Variants in INPP5B observed in about 807,000 individuals in gnomAD.
INPP5B encodes type II inositol 1,4,5-trisphosphate 5-phosphatase.
Under a neutral mutation model 118.5 loss-of-function variants are expected in INPP5B, and 90 were observed. That is an observed-to-expected ratio of 0.76 (90% CI 0.64 to 0.90). The LOEUF is 0.90. Among genes scored for constraint, INPP5B ranks in the 40% least tolerant of loss-of-function variants. The probability of loss-of-function intolerance (pLI) is 0.00; values close to 1 mark genes in which losing one functional copy is unlikely to be tolerated. For missense variants in INPP5B, 984 were observed against 1,125.6 expected, an observed-to-expected ratio of 0.87 and a Z score of 1.80; for synonymous variants, 385 against 418.9, an observed-to-expected ratio of 0.92 and a Z score of 0.99.
Position 37,886,980 on chromosome 1 carries a change from T to A in INPP5B, c.1039A>T (p.Ile347Phe). Residue 347 changes from isoleucine (I) to phenylalanine (F), a missense_variant, in exon 12 of 24, where the codon ATT becomes TTT. Around this residue, in one of 2 missense-constraint regions of INPP5B, gnomAD observed 634 missense variants for 791.0 expected, o/e 0.80. Transcript: ENST00000373024. The part of the protein sequence containing the change: ...AKVKLIRLVG[I>F]MLLLYVKQEH... ...TGTTTGACATATAACAGCAGCATAATCCCAACCAGTCGGATAAGCTTCACC... is the reference window on the plus strand; with the variant it reads ...TGTTTGACATATAACAGCAGCATAAACCCAACCAGTCGGATAAGCTTCACC... 6.2e-7 allele frequency: 1 copy of A among 1,614,078 alleles called. No homozygotes were observed. The highest frequency in any genetic ancestry group is 8.5e-7 in the Non-Finnish European group (1 of 1,179,988).
chr1:37,866,709 G>C (rs1642071953), intron 20 of INPP5B, among the ~76,000 whole-genome samples, 166 bp from the exon 21 acceptor site: 1 of 152,120 alleles, frequency 6.6e-6, no homozygotes, highest in Non-Finnish European at 1.5e-5. Flanking sequence ...AATTCATCTT[G>C]CAGGCCTTCC....
At chr1:37,863,006 C>A (rs542647691) in intron 23 of INPP5B, among the ~76,000 whole-genome samples, 1 of 152,184 alleles carries the variant, frequency 6.6e-6, no homozygotes, top group Non-Finnish European at 1.5e-5. Context: ...GCCTCCTCCC[C>A]CAACCACCCC....
At chr1:37,925,559 A>T (rs1645197281) in intron 7 of INPP5B, among the ~76,000 whole-genome samples, 1 of 152,190 alleles carries the variant, frequency 6.6e-6, no homozygotes, top group Non-Finnish European at 1.5e-5. Context: ...TTAAGTAGCA[A>T]AGAAAAACAT....
chr1:37,926,099 C>T lies in INPP5B; in HGVS notation c.532+5814G>A, dbSNP rs116836637. Among the ~76,000 whole-genome samples, 434 of 152,234 alleles carry T rather than the reference C, an allele frequency of 2.9e-3. 2 individuals are homozygous for T. The highest frequency in any genetic ancestry group is 1.0e-2 in the African/African-American group (414 of 41,550). On this transcript the variant is annotated intron_variant, in intron 7 of 23. Coordinates refer to ENST00000373024, the MANE Select transcript of INPP5B (RefSeq NM_005540.3). ...GAGAGAGTGAGAGAGAAAACCACCC[C>T]GGGGGCTATTTTGCTAACATGCTCT...
At chr1:37,862,593 C>G (rs1253676574) in intron 23 of INPP5B, among the ~76,000 whole-genome samples, 163 bp from the exon 24 acceptor site, 1 of 152,188 alleles carries the variant, frequency 6.6e-6, no homozygotes, top group Non-Finnish European at 1.5e-5. Context: ...CCTGTACTTA[C>G]ACAATTCTAG....
At chr1:37,902,538 GGTAAAACCC>G (rs980211831) in intron 7 of INPP5B, among the ~76,000 whole-genome samples, 1 of 151,988 alleles carries the variant, frequency 6.6e-6, no homozygotes, top group Admixed American at 6.6e-5. Context: ...AAGACAACAT[GGTAAAACCC>G]TATTTCTACA....
intron 23 of INPP5B, among the ~76,000 whole-genome samples, chr1:37,863,450 G>C (rs960537289): frequency 4.6e-5 from 7 of 152,128 alleles, no homozygotes; most frequent in Non-Finnish European, 1.0e-4. Context: ...GGGTGGCGGA[G>C]GATGCAGTGA....
chr1:37,893,085 CTTTTTTT>C (rs71053999), intron 7 of INPP5B, among the ~76,000 whole-genome samples: 104 of 81,432 alleles, frequency 1.3e-3, no homozygotes, highest in African/African-American at 5.4e-3. Context: ...TTTTCTTTTT[CTTTTTTT>C]TTTTTTTTTT....
At chr1:37,916,629 T>C (rs936159878) in intron 7 of INPP5B, among the ~76,000 whole-genome samples, 9 of 152,216 alleles carry the variant, frequency 5.9e-5, no homozygotes, top group Middle Eastern at 3.4e-3. Flanking sequence ...TTGGTCAGGC[T>C]GGTCTCGAAC....
intron 16 of INPP5B, 117 bp downstream of exon 16, chr1:37,878,071 A>T (rs1433094362): frequency 8.3e-7 from 1 of 1,210,832 alleles, no homozygotes; most frequent in Non-Finnish European, 1.2e-6. Flanking sequence ...AATTGTCCTA[A>T]AAGGGGCTTC....
rs1318876665 is a variant in INPP5B, at chr1:37,861,016, AG to A, written c.*1298del. 2 of 152,168 alleles carry A rather than the reference AG, an allele frequency of 1.3e-5. No individual in the cohort carries two copies. Among genetic ancestry groups the A allele is most frequent in the African/African-American group, 4.8e-5 (2 of 41,428 alleles). The allele number at this position is 152,168 out of a possible 1,614,324, so 9.4% of individuals were successfully genotyped here. On this transcript the variant is annotated 3_prime_UTR_variant, in exon 24 of 24. Transcript: ENST00000373024. ...ATTTTTTAAAAATGTTTTTGTAGAG[AG>A]GGGGTCTCCCTGTGTTGCCCAGCCT... is the stretch of plus-strand genomic sequence containing the variant.
intron 7 of INPP5B, among the ~76,000 whole-genome samples, chr1:37,927,553 T>C (rs1557708504): frequency 6.6e-6 from 1 of 151,602 alleles, no homozygotes; most frequent in Non-Finnish European, 1.5e-5. Flanking sequence ...TTTTTTTTTT[T>C]TGAGACAGAG....
intron 7 of INPP5B, among the ~76,000 whole-genome samples, chr1:37,905,730 G>A (rs1263591382): frequency 6.6e-6 from 1 of 152,152 alleles, no homozygotes; most frequent in African/African-American, 2.4e-5. Context: ...TTAGAATTGA[G>A]GAAAAACTTT....
chr1:37,898,453 TG>T (rs1267696736), intron 7 of INPP5B, among the ~76,000 whole-genome samples: 1 of 152,150 alleles, frequency 6.6e-6, no homozygotes, highest in African/African-American at 2.4e-5. Context: ...CCCAGCACTT[TG>T]GGAGGCCGAG....
At chr1:37,878,097 A>C (rs1642953313) in intron 16 of INPP5B, 91 bp downstream of exon 16, 1 of 1,449,928 alleles carries the variant, frequency 6.9e-7, no homozygotes, top group Non-Finnish European at 9.4e-7. Flanking sequence ...TCTCAAAAGG[A>C]GAGGAAGAAA....
At chr1:37,865,179 T>A (rs532623210) in intron 22 of INPP5B, among the ~76,000 whole-genome samples, 86 of 150,454 alleles carry the variant, frequency 5.7e-4, no homozygotes, top group African/African-American at 2.0e-3. Context: ...CAAGACTCCA[T>A]CTCAAAAAAA....
At position 37,940,683 on chromosome 1, in the gene INPP5B, C is replaced by T. The variant is rs368412645; in HGVS notation, c.391+5G>A. 1.9e-5 allele frequency: 31 copies of T among 1,601,460 alleles called. No homozygotes were observed. The highest frequency in any genetic ancestry group is 2.4e-5 in the Non-Finnish European group (28 of 1,168,736). On this transcript the variant is annotated splice_donor_5th_base_variant and intron_variant, in intron 6 of 23. Transcript: ENST00000373024. ...CACCCCCAGGGAGCCTGGGGTCTTA[C>T]CTACCTGGACAGGCCCTGGCAACTT... is the stretch of plus-strand genomic sequence containing the variant.
In INPP5B at chr1:37,873,994, T is replaced by A. The variant is rs1250639831; in HGVS notation, c.1950A>T (p.Pro650=). ...NANPSRGFLL[P]DSDVEIDLEL... is the part of the protein sequence containing the mutation. ...GGAAGCTAGGAACAGAGGCCTTACC[T>A]GGCAGGAGGAAGCCTCTGCTGGGGT... The change falls in exon 18 of 24, where the codon CCA becomes CCT. Residue 650 remains proline, a splice_region_variant and synonymous_variant. Transcript: ENST00000373024. 6.4e-7 allele frequency: 1 copy of A among 1,564,712 alleles called. No individual in the cohort carries two copies.
At chr1:37,946,218 A>G (rs772713932) in intron 2 of INPP5B, 34 bp downstream of exon 2, 2 of 1,594,332 alleles carry the variant, frequency 1.3e-6, no homozygotes, top group Non-Finnish European at 1.7e-6. Flanking sequence ...AGGCCAGGGC[A>G]GGCTCAGGGC....
Sources: allele counts gnomAD v4.1 joint callset (sites outside exome capture counted in the v4.1 genomes callset), GRCh38; gene constraint gnomAD v4.1.1; regional missense constraint gnomAD v4.1.1; transcripts MANE v1.5; gene names NCBI Gene and HGNC (gene_info 2026-07-23, HGNC 2026-07-21).